The following WDR47 variants were observed in gnomAD, a reference collection of about 807,000 sequenced individuals.
WDR47 encodes the protein WD repeat domain 47.
In WDR47, 32 loss-of-function variants were observed where a neutral mutation model predicts 97.2. The observed-to-expected ratio is 0.33, with a 90% confidence interval of 0.25 to 0.44. The LOEUF (loss-of-function observed/expected upper bound fraction) is 0.44. WDR47 is among the 20% of genes least tolerant of loss of function. The pLI is 1.00. For synonymous variants in WDR47, 375 were observed against 373.5 expected (o/e 1.00, Z -0.05); for missense variants, 782 against 1,102.3 (o/e 0.71, Z 4.11).
In WDR47 at chr1:109,013,920, C is replaced by T. The variant is rs776604885; in HGVS notation, c.248G>A (p.Arg83His). Residue 83 changes from arginine (R) to histidine (H), a missense_variant, in exon 4 of 15, where the codon CGT (arginine) becomes CAT (histidine). Around this residue, in one of 3 missense-constraint regions of WDR47, gnomAD observed 428 missense variants for 584.3 expected, o/e 0.73. Coordinates refer to ENST00000369962, the MANE Select transcript of WDR47 (RefSeq NM_001142551.2). ...AAACTTCTGCTTCAGGATAATATAA[C>T]GAAACCTGTGGGAAAAAAATGAAGC... ...CMEKFDKKRF[R>H]YIILKQKFLE... is the part of the protein sequence containing the mutation. The T allele has an allele frequency of 8.1e-6, 13 of 1,607,478 alleles. No individual in the cohort carries two copies. Among genetic ancestry groups the T allele is most frequent in the South Asian group, 1.1e-5 (1 of 89,756 alleles).
chr1:109,025,815 G>A (rs879786685), intron 1 of WDR47, among the ~76,000 whole-genome samples: 20 of 152,084 alleles, frequency 1.3e-4, no homozygotes, highest in South Asian at 8.3e-4. Flanking sequence ...ATAATTATAC[G>A]ACTCACTCAA....
At position 108,996,538 on chromosome 1, in the gene WDR47, T is replaced by C. The variant is rs1015674277; in HGVS notation, c.1434-701A>G. 5.3e-5 allele frequency among the ~76,000 whole-genome samples: 8 copies of C among 152,322 alleles called. No individual in the cohort carries two copies. The East Asian group carries it at 1.5e-3, about 29-fold the overall frequency. Reference sequence around the variant, plus strand: ...CAAGCCATTTTCATTCCATCTGTCTTGAGTAGTATCAAGTAGGAAATGGAT... The same window carrying C: ...CAAGCCATTTTCATTCCATCTGTCTCGAGTAGTATCAAGTAGGAAATGGAT... On this transcript the variant is annotated intron_variant, in intron 7 of 14. Coordinates refer to ENST00000369962, the MANE Select transcript of WDR47 (RefSeq NM_001142551.2).
intron 1 of WDR47, among the ~76,000 whole-genome samples, chr1:109,036,280 G>A (rs1041734258): frequency 1.3e-5 from 2 of 151,888 alleles, no homozygotes; most frequent in African/African-American, 2.4e-5. Context: ...CCCTCCTAAA[G>A]AACCCAAAAT....
At chr1:109,035,839 G>A (rs1460249046) in intron 1 of WDR47, among the ~76,000 whole-genome samples, 1 of 150,902 alleles carries the variant, frequency 6.6e-6, no homozygotes, top group Non-Finnish European at 1.5e-5. Context: ...TTAAGAGAAG[G>A]AGTCTTACTA....
At position 109,002,409 on chromosome 1, in the gene WDR47, A is replaced by C. The variant is rs1263170313; in HGVS notation, c.1255-7T>G. 1.3e-6 allele frequency: 2 copies of C among 1,576,848 alleles called. No homozygotes were observed. Among genetic ancestry groups the C allele is most frequent in the African/African-American group, 1.4e-5 (1 of 73,530 alleles). The stretch of plus-strand genomic sequence containing the variant: ...GTTCTGTTGAATCTCGAAGCTTAAA[A>C]ACATTAGAAAAAAACATATATATTT... On this transcript the variant is annotated splice_region_variant and splice_polypyrimidine_tract_variant and intron_variant, in intron 6 of 14. Coordinates refer to ENST00000369962, the MANE Select transcript of WDR47 (RefSeq NM_001142551.2).
At chr1:108,986,736 C>A in intron 9 of WDR47, 56 bp from the exon 10 acceptor site, 1 of 1,366,102 alleles carries the variant, frequency 7.3e-7, no homozygotes, top group South Asian at 1.4e-5. Context: ...TGAAAGAATT[C>A]ATCTTTCTCC....
intron 1 of WDR47, among the ~76,000 whole-genome samples, chr1:109,028,676 C>T (rs898993959): frequency 2.0e-5 from 3 of 150,458 alleles, no homozygotes; most frequent in African/African-American, 7.4e-5. Context: ...TGGTCTTGAT[C>T]TCCTGATCTC....
At chr1:108,996,951 A>C (rs182281361) in intron 7 of WDR47, among the ~76,000 whole-genome samples, 1 of 152,142 alleles carries the variant, frequency 6.6e-6, no homozygotes, top group African/African-American at 2.4e-5. Context: ...CCCCATCTCT[A>C]CTAAAAATAC....
rs1042941324 is a variant in WDR47 at position 108,971,219 on chromosome 1, A to C, written c.*211T>G. On this transcript the variant is annotated 3_prime_UTR_variant, in exon 15 of 15. Transcript: ENST00000369962. ...CTTTGGCAACGAGACTACATATAGC[A>C]GGTCACAGCAGCACGAGCTCACATG... is the stretch of plus-strand genomic sequence containing the variant. The C allele has an allele frequency of 7.0e-5, 40 of 573,258 alleles. No individual in the cohort carries two copies. Among genetic ancestry groups the C allele is most frequent in the Non-Finnish European group, 1.2e-4 (39 of 337,306 alleles). The allele number at this position is 573,258 out of a possible 1,614,324, so 35.5% of individuals were successfully genotyped here. A position where few individuals can be genotyped will look rare whatever the true frequency, so the allele number is the denominator to read the frequency against.
Position 109,013,910 on chromosome 1 carries a change from G to C in WDR47, c.258C>G (p.Ile86Met). 6.2e-7 allele frequency: 1 copy of C among 1,611,456 alleles called. No homozygotes were observed. The highest frequency in any genetic ancestry group is 2.2e-5 in the East Asian group (1 of 44,844). ...KFDKKRFRYI[I>M]LKQKFLEALC... ...AAGCTTCTAAAAACTTCTGCTTCAG[G>C]ATAATATAACGAAACCTGTGGGAAA... The change falls in exon 4 of 15, where the codon ATC (isoleucine) becomes ATG (methionine). Residue 86 changes from isoleucine (I) to methionine (M), a missense_variant. By Grantham distance (10) the Ile-to-Met change is conservative (BLOSUM62 1). This residue lies in a region of WDR47 where 428 missense variants were observed against 584.3 expected (regional missense o/e 0.73). Coordinates refer to ENST00000369962, the MANE Select transcript of WDR47 (RefSeq NM_001142551.2).
chr1:108,979,043 A>C (rs1307193662), intron 13 of WDR47, among the ~76,000 whole-genome samples: 1 of 152,212 alleles, frequency 6.6e-6, no homozygotes, highest in African/African-American at 2.4e-5. Flanking sequence ...ATTCCATAAA[A>C]TGTTTGTATG....
chr1:109,014,967 A>C lies in WDR47; in HGVS notation c.243-1042T>G, dbSNP rs891317438. On this transcript the variant is annotated intron_variant, in intron 3 of 14. Coordinates refer to ENST00000369962, the MANE Select transcript of WDR47 (RefSeq NM_001142551.2). ...CTGCCTTCAAAAAGAGGGTCACCTA[A>C]TAAATTATATGAAATATTCAGAGTT... 2.9e-4 allele frequency among the ~76,000 whole-genome samples: 44 copies of C among 152,194 alleles called. 1 individual carries two copies. Among genetic ancestry groups the C allele is most frequent in the Non-Finnish European group, 1.2e-4 (8 of 68,038 alleles).
chr1:108,977,450 G>A (rs971788957), intron 13 of WDR47, among the ~76,000 whole-genome samples: 8 of 150,022 alleles, frequency 5.3e-5, no homozygotes, highest in Non-Finnish European at 7.4e-5. Flanking sequence ...CACCACACCC[G>A]GCCAGGTGCA....
intron 2 of WDR47, among the ~76,000 whole-genome samples, chr1:109,023,076 G>A (rs1022758918): frequency 3.3e-5 from 5 of 151,532 alleles, no homozygotes; most frequent in South Asian, 4.2e-4. Context: ...GGTGATGGGC[G>A]CCTGTAGTCC....
At chr1:109,003,129 T>C (rs961308922) in intron 6 of WDR47, among the ~76,000 whole-genome samples, 1 of 152,216 alleles carries the variant, frequency 6.6e-6, no homozygotes, top group African/African-American at 2.4e-5. Flanking sequence ...TCTGCTGTTG[T>C]TGAGTGGAGT....
intron 8 of WDR47, among the ~76,000 whole-genome samples, chr1:108,993,554 T>C (rs893042774): frequency 6.6e-6 from 1 of 152,142 alleles, no homozygotes; most frequent in African/African-American, 2.4e-5. Context: ...TTCAGGAAAC[T>C]GTGAGATGCT....
At chr1:108,992,237 G>A (rs529397168) in intron 8 of WDR47, 2 of 843,714 alleles carry the variant, frequency 2.4e-6, no homozygotes, top group African/African-American at 3.3e-5. Context: ...AAAATATGAT[G>A]GTAGAAAAAA....
rs184637124 is a variant in WDR47, at chr1:108,990,051, T to C, written c.1767+1203A>G. The stretch of plus-strand genomic sequence containing the variant: ...AAAACTAGGTGATTTCACATAAAAA[T>C]CTAGATTTCTAGCTTTTCTTGAAAA... On this transcript the variant is annotated intron_variant, in intron 9 of 14. Coordinates refer to ENST00000369962, the MANE Select transcript of WDR47 (RefSeq NM_001142551.2). Among the ~76,000 whole-genome samples the C allele has an allele frequency of 3.3e-3, 508 of 152,190 alleles. 1 individual carries two copies. Among genetic ancestry groups the C allele is most frequent in the Non-Finnish European group, 5.8e-3 (396 of 68,002 alleles).
At chr1:109,007,698 C>T (rs1430679818) in intron 5 of WDR47, among the ~76,000 whole-genome samples, 1 of 152,116 alleles carries the variant, frequency 6.6e-6, no homozygotes, top group Admixed American at 6.6e-5. Context: ...TGCAAGTCAA[C>T]GCTTTATTAT....
Sources: gnomAD v4.1 joint callset for allele counts (sites outside exome capture counted in the v4.1 genomes callset) on GRCh38, gnomAD v4.1.1 for gene constraint, gnomAD v4.1.1 regional missense constraint, MANE v1.5 for transcripts, NCBI Gene and HGNC (gene_info 2026-07-23, HGNC 2026-07-21) for gene names.